Variants in LMAN1 observed in about 807,000 individuals in gnomAD.
LMAN1 encodes lectin, mannose binding 1, also known as protein ERGIC-53.
LMAN1 carries 32 observed loss-of-function variants against 67.8 expected under a neutral mutation model. The observed-to-expected ratio is 0.47, with a 90% CI of 0.36 to 0.63. LMAN1 has a LOEUF of 0.63. Ranked by LOEUF, LMAN1 falls within the 30% of genes least tolerant of loss-of-function variation. LMAN1 has a pLI of 0.00. For synonymous variants in LMAN1, 235 were observed against 219.3 expected, an observed-to-expected ratio of 1.07 and a Z score of -0.63; for missense variants, 632 against 628.2, an observed-to-expected ratio of 1.01 and a Z score of -0.06.
chr18:59,342,848 GAGTA>G (rs1281986330), intron 8 of LMAN1, among the ~76,000 whole-genome samples: 6 of 152,000 alleles, frequency 3.9e-5, no homozygotes, highest in East Asian at 1.9e-4. Context: ...AACTGGAAAT[GAGTA>G]AGTAACATTA....
At chr18:59,348,660 C>G (rs532468386) in intron 6 of LMAN1, among the ~76,000 whole-genome samples, 1 of 152,216 alleles carries the variant, frequency 6.6e-6, no homozygotes, top group Admixed American at 6.5e-5. Context: ...GTTTAGTCAC[C>G]AAATAACCTT....
intron 1 of LMAN1, among the ~76,000 whole-genome samples, chr18:59,358,779 A>C (rs1908722149): frequency 6.6e-6 from 1 of 152,182 alleles, no homozygotes; most frequent in Non-Finnish European, 1.5e-5. Context: ...GACGAGATCA[A>C]AGAAGGGAAG....
intron 11 of LMAN1, 189 bp from the exon 12 acceptor site, chr18:59,331,728 G>C: frequency 1.7e-6 from 1 of 577,374 alleles, no homozygotes; most frequent in Non-Finnish European, 3.0e-6. Flanking sequence ...ACACTGGAAG[G>C]CCTCCACCTT....
At chr18:59,349,022 TTAG>T (rs1908482314) in intron 6 of LMAN1, 88 bp downstream of exon 6, 1 of 1,442,322 alleles carries the variant, frequency 6.9e-7, no homozygotes, top group South Asian at 1.1e-5. Context: ...TAAAAAGTTA[TTAG>T]TATAAACAAG....
chr18:59,350,124 G>A (rs1284275789), intron 5 of LMAN1, among the ~76,000 whole-genome samples: 1 of 152,120 alleles, frequency 6.6e-6, no homozygotes, highest in East Asian at 1.9e-4. Flanking sequence ...TTCAGCAAGA[G>A]AATAAAATCT....
chr18:59,333,471 GA>G (rs1908074105), intron 10 of LMAN1: 1 of 483,870 alleles, frequency 2.1e-6, no homozygotes. Context: ...ATACCATGTA[GA>G]AAATACTACT....
At chr18:59,349,060 C>A (rs948068582) in intron 6 of LMAN1, 53 bp downstream of exon 6, 1 of 1,604,466 alleles carries the variant, frequency 6.2e-7, no homozygotes, top group African/African-American at 1.3e-5. Context: ...ATATACTATT[C>A]CCAATAAAAC....
chr18:59,331,802 G>A (rs921198063), intron 11 of LMAN1, among the ~76,000 whole-genome samples: 6 of 152,124 alleles, frequency 3.9e-5, no homozygotes, highest in African/African-American at 1.4e-4. Flanking sequence ...ATATGATGAT[G>A]TTGCTGTCCC....
At chr18:59,338,100 GAA>G (rs1908200245) in intron 10 of LMAN1, among the ~76,000 whole-genome samples, 4 of 152,228 alleles carry the variant, frequency 2.6e-5, no homozygotes, top group Middle Eastern at 6.8e-3. Context: ...AGATGGGAAT[GAA>G]AAAGAGGTAG....
chr18:59,345,779 C>T, intron 8 of LMAN1, 140 bp downstream of exon 8: 1 of 973,858 alleles, frequency 1.0e-6, no homozygotes, highest in South Asian at 1.5e-5. Flanking sequence ...AAGATTTGCT[C>T]CTAAATTGTT....
At chr18:59,343,019 G>A (rs1908321434) in intron 8 of LMAN1, among the ~76,000 whole-genome samples, 2 of 142,246 alleles carry the variant, frequency 1.4e-5, no homozygotes, top group African/African-American at 2.6e-5. Flanking sequence ...TGATCTAGCA[G>A]ACCAAATCTA....
Position 59,330,969 on chromosome 18 carries a change from G to A in LMAN1, c.*124C>T, listed in dbSNP as rs941037511. The A allele has an allele frequency of 7.1e-6, 5 of 706,618 alleles. No individual in the cohort carries two copies. The African/African-American group carries it at 9.1e-5, about 13-fold the overall frequency. 43.8% of individuals were successfully genotyped at this position (706,618 alleles called of 1,614,324 possible). A position where few individuals can be genotyped will look rare whatever the true frequency, so the allele number is the denominator to read the frequency against. ...GGTTTATTCTTAACTGCAAATCAAT[G>A]TTTAAACAGTTATTTTATTAAGAAA... On this transcript the variant is annotated 3_prime_UTR_variant, in exon 13 of 13. Coordinates refer to ENST00000251047, the MANE Select transcript of LMAN1 (RefSeq NM_005570.4).
At chr18:59,332,980 C>T (rs760035795) in intron 11 of LMAN1, 111 bp downstream of exon 11, 67 of 880,980 alleles carry the variant, frequency 7.6e-5, no homozygotes, top group Non-Finnish European at 1.0e-4. Flanking sequence ...CTACCTTAAA[C>T]ATTAAAAATA....
intron 8 of LMAN1, among the ~76,000 whole-genome samples, chr18:59,340,702 A>G (rs138496435): frequency 2.0e-5 from 3 of 152,340 alleles, no homozygotes; most frequent in East Asian, 1.9e-4. Flanking sequence ...ATATAAAATA[A>G]AAGTTCTTAT....
intron 10 of LMAN1, among the ~76,000 whole-genome samples, chr18:59,334,511 T>C (rs190772066): frequency 2.1e-4 from 32 of 152,316 alleles, no homozygotes; most frequent in African/African-American, 7.2e-4. Flanking sequence ...GAGGTCATAG[T>C]TGGTTTAGGA....
intron 8 of LMAN1, among the ~76,000 whole-genome samples, chr18:59,344,559 A>T (rs962783569): frequency 6.6e-6 from 1 of 152,184 alleles, no homozygotes; most frequent in Non-Finnish European, 1.5e-5. Flanking sequence ...AATGACTTAG[A>T]AAGTCAAATA....
intron 6 of LMAN1, 32 bp downstream of exon 6, chr18:59,349,081 A>G: frequency 1.2e-6 from 2 of 1,613,508 alleles, no homozygotes; most frequent in Non-Finnish European, 1.7e-6. Context: ...ACACCTCACA[A>G]ACTTTTAATA....
chr18:59,335,117 G>A (rs976166958), intron 10 of LMAN1, among the ~76,000 whole-genome samples: 4 of 152,032 alleles, frequency 2.6e-5, no homozygotes, highest in South Asian at 2.1e-4. Flanking sequence ...TATGCTACCC[G>A]TCACATAAGA....
chr18:59,331,412 A>T lies in LMAN1; in HGVS notation c.1496+6T>A. ...ATATTGGGTCACATTTTATCAAGAG[A>T]CTTACCTATACATGATATAACCAAT... On this transcript the variant is annotated splice_donor_region_variant and intron_variant, in intron 12 of 12. Transcript: ENST00000251047. The T allele has an allele frequency of 6.2e-7, 1 of 1,604,736 alleles. No homozygotes were observed. The highest frequency in any genetic ancestry group is 8.5e-7 in the Non-Finnish European group (1 of 1,171,846).
Sources: gnomAD v4.1 joint callset for allele counts (sites outside exome capture counted in the v4.1 genomes callset) on GRCh38, gnomAD v4.1.1 for gene constraint, MANE v1.5 for transcripts, NCBI Gene and HGNC (gene_info 2026-07-23, HGNC 2026-07-21) for gene names.